Variants in DNMT3B observed in about 807,000 individuals in gnomAD.
DNMT3B encodes DNA methyltransferase 3 beta, also known as DNA (cytosine-5)-methyltransferase 3B.
In DNMT3B, 37 loss-of-function variants were observed where a neutral mutation model predicts 120.2. The observed-to-expected ratio is 0.31, with a 90% CI of 0.24 to 0.40. The LOEUF (loss-of-function observed/expected upper bound fraction) is 0.40. DNMT3B is among the 10% of genes least tolerant of loss of function. DNMT3B has a pLI of 1.00. For synonymous variants in DNMT3B, 412 were observed against 442.8 expected, an observed-to-expected ratio of 0.93 and a Z score of 0.87; for missense variants, 878 against 1,137.3, an observed-to-expected ratio of 0.77 and a Z score of 3.28.
chr20:32,784,176 C>G (rs1978979633), intron 3 of DNMT3B, among the ~76,000 whole-genome samples: 1 of 152,104 alleles, frequency 6.6e-6, no homozygotes, highest in Non-Finnish European at 1.5e-5. Context: ...GTCGGCCTCC[C>G]AAAGTGTTGG....
Position 32,792,649 on chromosome 20 carries a change from G to C in DNMT3B, c.945G>C (p.Lys315Asn). The change falls in exon 9 of 23, where the codon AAG becomes AAC. Residue 315 changes from lysine (K) to asparagine (N), a missense_variant. By Grantham distance (94) the Lys-to-Asn change is moderately conservative. Transcript: ENST00000328111. ...ALEKARVRAG[K>N]TFPSSPGDSL... Reference sequence around the variant, plus strand: ...AGAAAGCTAGGGTGCGAGCTGGCAAGACCTTCCCCAGCAGCCCTGGAGACT... The same window carrying C: ...AGAAAGCTAGGGTGCGAGCTGGCAACACCTTCCCCAGCAGCCCTGGAGACT... 1.2e-6 allele frequency: 2 copies of C among 1,614,262 alleles called. No homozygotes were observed. The highest frequency in any genetic ancestry group is 1.7e-6 in the Non-Finnish European group (2 of 1,180,048).
At chr20:32,805,724 C>T (rs1315377154) in intron 21 of DNMT3B, among the ~76,000 whole-genome samples, 4 of 152,164 alleles carry the variant, frequency 2.6e-5, no homozygotes. Flanking sequence ...AATTAATTTG[C>T]TGTCAAGTCA....
chr20:32,774,962 T>G (rs995432832), intron 1 of DNMT3B, among the ~76,000 whole-genome samples: 1 of 152,014 alleles, frequency 6.6e-6, no homozygotes, highest in Non-Finnish European at 1.5e-5. Context: ...CCTCAAGTGA[T>G]CAACCCGCTT....
chr20:32,790,002 T>TA (rs1979783894), intron 7 of DNMT3B, among the ~76,000 whole-genome samples: 1 of 152,172 alleles, frequency 6.6e-6, no homozygotes, highest in Non-Finnish European at 1.5e-5. Context: ...CTAAGGTCAT[T>TA]GGGCAAGTTG....
intron 1 of DNMT3B, chr20:32,779,860 A>G: frequency 1.7e-6 from 1 of 592,532 alleles, no homozygotes; most frequent in Non-Finnish European, 3.0e-6. Context: ...GGGAAGGGAG[A>G]GAGCAAACAA....
intron 1 of DNMT3B, among the ~76,000 whole-genome samples, chr20:32,765,503 C>G (rs1987275805): frequency 6.7e-6 from 1 of 149,114 alleles, no homozygotes; most frequent in South Asian, 2.1e-4. Context: ...TCACTGCAAC[C>G]TCTGCCTCCC....
chr20:32,781,897 G>A (rs1340050709), intron 3 of DNMT3B, among the ~76,000 whole-genome samples: 2 of 152,178 alleles, frequency 1.3e-5, no homozygotes, highest in African/African-American at 4.8e-5. Flanking sequence ...GTATCACAGT[G>A]GTTGTGTTCA....
chr20:32,786,394 C>G, intron 4 of DNMT3B, 108 bp from the exon 5 acceptor site: 3 of 1,504,580 alleles, frequency 2.0e-6, no homozygotes, highest in Non-Finnish European at 2.7e-6. Context: ...TGTCCTGAAG[C>G]TGGCTACCAG....
Position 32,773,934 on chromosome 20 carries a change from G to GTTTTTTTTTTTTTTTTTT in DNMT3B, c.-6-6375_-6-6358dup, listed in dbSNP as rs1161730284. Among the ~76,000 whole-genome samples the GTTTTTTTTTTTTTTTTTT allele has an allele frequency of 1.2e-4, 8 of 69,152 alleles. 1 individual carries two copies. Among genetic ancestry groups the GTTTTTTTTTTTTTTTTTT allele is most frequent in the African/African-American group, 4.6e-4 (7 of 15,076 alleles). 45.4% of individuals were successfully genotyped at this position (69,152 alleles called of 152,430 possible). A position where few individuals can be genotyped will look rare whatever the true frequency, so the allele number is the denominator to read the frequency against. ...GCATGAGCCACTGCGCCCGGCAGTG[G>GTTTTTTTTTTTTTTTTTT]TTTTTTTTTTTTTTTTTTTTTTTTT... On this transcript the variant is annotated intron_variant, in intron 1 of 22. Coordinates refer to ENST00000328111, the MANE Select transcript of DNMT3B (RefSeq NM_006892.4).
chr20:32,799,258 G>A lies in DNMT3B; in HGVS notation c.1689G>A (p.Leu563=). 1 of 1,612,842 alleles carries A rather than the reference G, an allele frequency of 6.2e-7. No homozygotes were observed. The highest frequency in any genetic ancestry group is 1.1e-5 in the South Asian group (1 of 90,576). The stretch of plus-strand genomic sequence containing the variant: ...TTACCTGGCAGGAAGCCCCCAAGCT[G>A]TACCCTGCCATTCCCGCAGCCCGAA... The part of the protein sequence containing the change: ...DTGLEYEAPK[L]YPAIPAARRR... Residue 563 remains leucine (L), a synonymous_variant, in exon 16 of 23, where the codon CTG becomes CTA. Transcript: ENST00000328111.
At chr20:32,788,728 G>A (rs192523074) in intron 6 of DNMT3B, 126 bp from the exon 7 acceptor site, 55 of 1,227,388 alleles carry the variant, frequency 4.5e-5, no homozygotes, top group Admixed American at 2.1e-4. Context: ...CATGAACCAC[G>A]GTGTCTGGCT....
chr20:32,793,713 C>T (rs1162001865), intron 10 of DNMT3B, 118 bp downstream of exon 10: 28 of 1,124,022 alleles, frequency 2.5e-5, no homozygotes, highest in Non-Finnish European at 3.5e-5. Context: ...AATCTGAACT[C>T]CCTCCCCACT....
chr20:32,792,921 G>T (rs573893383), intron 9 of DNMT3B, 151 bp downstream of exon 9: 3 of 1,222,504 alleles, frequency 2.5e-6, no homozygotes, highest in Middle Eastern at 5.4e-4. Context: ...GCAGGCATAC[G>T]AAGGCTGTGC....
chr20:32,786,521 A>G lies in DNMT3B; in HGVS notation c.326A>G (p.Asn109Ser), dbSNP rs781420920. The change falls in exon 5 of 23, where the codon AAC becomes AGC. Residue 109 changes from asparagine (N) to serine (S), a missense_variant. Asn to Ser is a conservative substitution (Grantham distance 46, BLOSUM62 1). Around this residue, in one of 4 missense-constraint regions of DNMT3B, gnomAD observed 287 missense variants for 306.2 expected, o/e 0.94. Coordinates refer to ENST00000328111, the MANE Select transcript of DNMT3B (RefSeq NM_006892.4). Reference sequence around the variant, plus strand: ...TTCTAGGTCCGAACTCGAAATAACAACAGTGTCTCCAGCCGGGAGAGGCAC... The same window carrying G: ...TTCTAGGTCCGAACTCGAAATAACAGCAGTGTCTCCAGCCGGGAGAGGCAC... ...ESPAVRTRNNNSVSSRERHRP... is the reference protein window; with the variant it reads ...ESPAVRTRNNSSVSSRERHRP... The G allele has an allele frequency of 1.9e-6, 3 of 1,613,940 alleles. No individual in the cohort carries two copies. The highest frequency in any genetic ancestry group is 2.5e-6 in the Non-Finnish European group (3 of 1,180,044).
chr20:32,791,330 A>C (rs1047656593), intron 7 of DNMT3B, among the ~76,000 whole-genome samples: 19 of 152,200 alleles, frequency 1.2e-4, no homozygotes, highest in African/African-American at 4.6e-4. Context: ...GGTTCGCCTA[A>C]TTGCCTTCAT....
At chr20:32,762,858 C>A (rs742630) in intron 1 of DNMT3B, among the ~76,000 whole-genome samples, 159 bp downstream of exon 1, 2 of 151,534 alleles carry the variant, frequency 1.3e-5, no homozygotes, top group Non-Finnish European at 3.0e-5. Context: ...GCTGGGTTTG[C>A]GGGGTGAGGA....
intron 1 of DNMT3B, among the ~76,000 whole-genome samples, chr20:32,778,604 GC>G (rs1404138917): frequency 1.3e-5 from 2 of 152,188 alleles, no homozygotes; most frequent in Non-Finnish European, 2.9e-5. Flanking sequence ...GCCTGGGGGC[GC>G]CACTGGGCTC....
At chr20:32,800,470 G>C (rs1981193281) in intron 17 of DNMT3B, among the ~76,000 whole-genome samples, 172 bp downstream of exon 17, 1 of 152,082 alleles carries the variant, frequency 6.6e-6, no homozygotes, top group Non-Finnish European at 1.5e-5. Flanking sequence ...TGGTGACCAA[G>C]CAAGATTCTA....
intron 1 of DNMT3B, among the ~76,000 whole-genome samples, chr20:32,770,881 G>A (rs1987689158): frequency 6.6e-6 from 1 of 152,150 alleles, no homozygotes; most frequent in Non-Finnish European, 1.5e-5. Context: ...CAAAGTGCTG[G>A]GATTACAGGC....
Sources: allele counts gnomAD v4.1 joint callset (sites outside exome capture counted in the v4.1 genomes callset), GRCh38; gene constraint gnomAD v4.1.1; regional missense constraint gnomAD v4.1.1; transcripts MANE v1.5; gene names NCBI Gene and HGNC (gene_info 2026-07-23, HGNC 2026-07-21).